PPIL3: variants seen among roughly 807,000 people sequenced by gnomAD.
The protein encoded by PPIL3 is peptidyl-prolyl cis-trans isomerase-like 3.
A neutral mutation model predicts 20.9 loss-of-function variants in PPIL3; 13 were observed. The ratio of observed to expected loss-of-function variants is 0.62; its 90% confidence interval spans 0.40 to 0.99. The LOEUF (loss-of-function observed/expected upper bound fraction) is 0.99, where lower values mean the gene tolerates loss of function less well. Among genes scored for constraint, PPIL3 ranks in the 50% least tolerant of loss-of-function variants. The probability of loss-of-function intolerance (pLI) is 0.00; values close to 1 mark genes in which losing one functional copy is unlikely to be tolerated. For synonymous variants in PPIL3, 71 were observed against 64.4 expected (o/e 1.10, Z -0.49); for missense variants, 170 against 195.2 (o/e 0.87, Z 0.77).
intron 6 of PPIL3, 93 bp from the exon 7 acceptor site, chr2:200,871,614 C>T: frequency 9.0e-7 from 1 of 1,115,730 alleles, no homozygotes; most frequent in Non-Finnish European, 1.3e-6. Flanking sequence ...AAAAAATAAT[C>T]AAGTCTTACA....
intron 5 of PPIL3, among the ~76,000 whole-genome samples, chr2:200,880,423 T>TTTTTTTG: frequency 6.6e-6 from 1 of 151,144 alleles, no homozygotes; most frequent in Admixed American, 6.6e-5. Flanking sequence ...TTTTTTTTTT[T>TTTTTTTG]GAGTGGGGTC....
At position 200,877,946 on chromosome 2, in the gene PPIL3, G is replaced by A. The variant is rs904471907; in HGVS notation, c.241-909C>T. On this transcript the variant is annotated intron_variant, in intron 5 of 6. Coordinates refer to ENST00000392283, the MANE Select transcript of PPIL3 (RefSeq NM_130906.3). ...TTAAAAGGACCTTACTGATAAGAAT[G>A]AAGATGTAACTGTGAACTATGTTAC... is the stretch of plus-strand genomic sequence containing the variant. 2.0e-5 allele frequency among the ~76,000 whole-genome samples: 3 copies of A among 152,142 alleles called. No individual in the cohort carries two copies. In the South Asian group the frequency reaches 6.2e-4, roughly 32 times the overall value.
intron 2 of PPIL3, among the ~76,000 whole-genome samples, chr2:200,886,579 C>A (rs1308442339): frequency 6.6e-6 from 1 of 152,122 alleles, no homozygotes; most frequent in Non-Finnish European, 1.5e-5. Flanking sequence ...GGATATGCCA[C>A]AACACCCAGA....
chr2:200,882,477 C>T (rs765601060), intron 3 of PPIL3, 42 bp from the exon 4 acceptor site: 1 of 1,237,036 alleles, frequency 8.1e-7, no homozygotes, highest in East Asian at 2.3e-5. Flanking sequence ...GCAGCAGAAA[C>T]CCAGTTAAGA....
chr2:200,885,776 A>C lies in PPIL3; in HGVS notation c.4-4T>G. 1.9e-6 allele frequency: 3 copies of C among 1,550,086 alleles called. No individual in the cohort carries two copies. Among genetic ancestry groups the C allele is most frequent in the Non-Finnish European group, 2.6e-6 (3 of 1,132,576 alleles). On this transcript the variant is annotated splice_region_variant and splice_polypyrimidine_tract_variant and intron_variant, in intron 2 of 6. Transcript: ENST00000392283. ...CATCTGTATGCAGTGTCACAGACTA[A>C]AAAGGAGAGAAAATGTGAGAACAAA...
rs545932195 is a variant in PPIL3, at chr2:200,875,561, C to T, written c.359+1358G>A. 1.1e-4 allele frequency among the ~76,000 whole-genome samples: 16 copies of T among 151,758 alleles called. No individual in the cohort carries two copies. The South Asian group carries it at 3.1e-3, about 30-fold the overall frequency. On this transcript the variant is annotated intron_variant, in intron 6 of 6. Coordinates refer to ENST00000392283, the MANE Select transcript of PPIL3 (RefSeq NM_130906.3). ...GATTACAGGTGTGAGCCACCGCACC[C>T]GGCTTTTCTTTTTTTCTATCTTTTT...
rs572350951 is a variant in PPIL3, at chr2:200,878,646, G to A, written c.241-1609C>T. 3.8e-4 allele frequency among the ~76,000 whole-genome samples: 58 copies of A among 151,970 alleles called. No individual in the cohort carries two copies. In the Middle Eastern group the frequency reaches 0.017, roughly 45 times the overall value. ...CTCAAGTACTTGTTCCTCTCACCTCGGCCCCCTAAAGTGCTGGGATTATAA... is the reference window on the plus strand; with the variant it reads ...CTCAAGTACTTGTTCCTCTCACCTCAGCCCCCTAAAGTGCTGGGATTATAA... On this transcript the variant is annotated intron_variant, in intron 5 of 6. Coordinates refer to ENST00000392283, the MANE Select transcript of PPIL3 (RefSeq NM_130906.3).
chr2:200,879,489 C>A (rs1030737299), intron 5 of PPIL3, among the ~76,000 whole-genome samples: 1 of 152,094 alleles, frequency 6.6e-6, no homozygotes, highest in South Asian at 2.1e-4. Flanking sequence ...TAAGTCCTAA[C>A]CAGCCCTACT....
chr2:200,885,967 T>C (rs1268794429), intron 2 of PPIL3, among the ~76,000 whole-genome samples, 195 bp from the exon 3 acceptor site: 1 of 152,166 alleles, frequency 6.6e-6, no homozygotes, highest in Non-Finnish European at 1.5e-5. Context: ...ATCCCAACAG[T>C]AGAGAAAAAA....
intron 3 of PPIL3, among the ~76,000 whole-genome samples, chr2:200,884,000 C>A (rs1006098040): frequency 6.6e-6 from 1 of 152,142 alleles, no homozygotes; most frequent in African/African-American, 2.4e-5. Flanking sequence ...TCTGAGCTCA[C>A]CTTAGCCTCC....
chr2:200,880,515 C>T (rs559682538), intron 5 of PPIL3, among the ~76,000 whole-genome samples: 98 of 149,056 alleles, frequency 6.6e-4, no homozygotes, highest in African/African-American at 2.4e-3. Flanking sequence ...TCTTGAGTAG[C>T]TGGGACTACA....
chr2:200,883,525 A>G (rs1188635849), intron 3 of PPIL3, among the ~76,000 whole-genome samples: 1 of 151,922 alleles, frequency 6.6e-6, no homozygotes, highest in Non-Finnish European at 1.5e-5. Context: ...TTTGGGAGGC[A>G]GGAAGATCAC....
chr2:200,888,765 A>T (rs1458968742), intron 1 of PPIL3, among the ~76,000 whole-genome samples, 191 bp downstream of exon 1: 1 of 152,012 alleles, frequency 6.6e-6, no homozygotes, highest in Non-Finnish European at 1.5e-5. Context: ...ACTTCAGGTG[A>T]TCCGCCCGCC....
intron 6 of PPIL3, among the ~76,000 whole-genome samples, chr2:200,875,831 C>T (rs1248733694): frequency 3.3e-5 from 5 of 152,106 alleles, no homozygotes; most frequent in Non-Finnish European, 1.5e-5. Flanking sequence ...GTCTCAGCCT[C>T]CCAAAGCACT....
intron 5 of PPIL3, among the ~76,000 whole-genome samples, chr2:200,878,783 G>A (rs1338475747): frequency 6.6e-6 from 1 of 152,140 alleles, no homozygotes; most frequent in Non-Finnish European, 1.5e-5. Flanking sequence ...TCTGGGAAAT[G>A]CTTTCTACAA....
At chr2:200,876,212 A>G (rs1391428157) in intron 6 of PPIL3, among the ~76,000 whole-genome samples, 2 of 151,048 alleles carry the variant, frequency 1.3e-5, no homozygotes, top group African/African-American at 4.9e-5. Flanking sequence ...CAAGAGGCTG[A>G]GGTGAGAAGA....
chr2:200,876,152 T>G (rs1012376426), intron 6 of PPIL3, among the ~76,000 whole-genome samples: 5 of 151,546 alleles, frequency 3.3e-5, no homozygotes, highest in Middle Eastern at 3.4e-3. Flanking sequence ...TGTTTTTTTT[T>G]TTTTTAAAGT....
intron 6 of PPIL3, among the ~76,000 whole-genome samples, chr2:200,875,509 G>A (rs957891416): frequency 6.6e-6 from 1 of 151,660 alleles, no homozygotes; most frequent in Non-Finnish European, 1.5e-5. Flanking sequence ...CTCATGATCT[G>A]CCCTCCTTGG....
Position 200,885,777 on chromosome 2 carries a change from A to G in PPIL3, c.4-5T>C, listed in dbSNP as rs764694700. The G allele has an allele frequency of 9.7e-6, 15 of 1,550,212 alleles. No homozygotes were observed. In the South Asian group the frequency reaches 1.7e-4, roughly 18 times the overall value. ...ATCTGTATGCAGTGTCACAGACTAA[A>G]AAGGAGAGAAAATGTGAGAACAAAT... On this transcript the variant is annotated splice_region_variant and splice_polypyrimidine_tract_variant and intron_variant, in intron 2 of 6. Coordinates refer to ENST00000392283, the MANE Select transcript of PPIL3 (RefSeq NM_130906.3).
Sources: allele counts gnomAD v4.1 joint callset (sites outside exome capture counted in the v4.1 genomes callset), GRCh38; gene constraint gnomAD v4.1.1; transcripts MANE v1.5; gene names NCBI Gene and HGNC (gene_info 2026-07-23, HGNC 2026-07-21).